Variants in NBAS observed in about 807,000 individuals in gnomAD.
The protein encoded by NBAS is NAG/BC035112 fusion.
NBAS carries 219 observed loss-of-function variants against 302.5 expected under a neutral mutation model. The ratio of observed to expected loss-of-function variants is 0.72; its 90% CI spans 0.65 to 0.81. The LOEUF (loss-of-function observed/expected upper bound fraction) is 0.81, where lower values mean the gene tolerates loss of function less well. NBAS is among the 30% of genes least tolerant of loss of function. The pLI is 0.00. For missense variants in NBAS, 2,932 were observed against 2,841.6 expected (o/e 1.03, Z -0.72); for synonymous variants, 1,118 against 1,021.6 (o/e 1.09, Z -1.80).
chr2:15,084,519 T>C, the NBAS span, among the ~76,000 whole-genome samples: 1 of 152,210 alleles, frequency 6.6e-6, no homozygotes, highest in Non-Finnish European at 1.5e-5. Flanking sequence ...TGGACTCTAT[T>C]TTCCTGCCTC....
intron 40 of NBAS, 34 bp downstream of exon 40, chr2:15,308,182 G>A (rs1671112832): frequency 6.2e-7 from 1 of 1,613,672 alleles, no homozygotes; most frequent in Non-Finnish European, 8.5e-7. Flanking sequence ...GCTTAACTCT[G>A]CTCAATAATA....
intron 6 of NBAS, among the ~76,000 whole-genome samples, chr2:15,549,489 G>A (rs115595282): frequency 0.022 from 3,409 of 152,222 alleles, 63 homozygotes; most frequent in Non-Finnish European, 0.037. Context: ...AGCACTTTGG[G>A]AGGCCAAGGC....
chr2:15,011,233 T>C, the NBAS span, among the ~76,000 whole-genome samples: 13 of 152,258 alleles, frequency 8.5e-5, no homozygotes, highest in Non-Finnish European at 1.3e-4. Context: ...TTGTGTTCTC[T>C]GAGCCTGTGG....
At chr2:15,429,089 T>C (rs977087638) in intron 21 of NBAS, among the ~76,000 whole-genome samples, 1 of 148,708 alleles carries the variant, frequency 6.7e-6, no homozygotes, top group African/African-American at 2.5e-5. Flanking sequence ...AAACACAGTA[T>C]GGTAATAGAG....
chr2:15,526,890 G>C (rs1464611841), intron 9 of NBAS, among the ~76,000 whole-genome samples: 4 of 152,078 alleles, frequency 2.6e-5, no homozygotes, highest in Non-Finnish European at 5.9e-5. Flanking sequence ...TGACTTAAAA[G>C]AAATTTATCC....
rs544123010 is a variant in NBAS at position 15,190,213 on chromosome 2, A to G, written c.6572+51T>C. The G allele has an allele frequency of 9.2e-5, 148 of 1,602,476 alleles. No individual in the cohort carries two copies. In the South Asian group the frequency reaches 1.4e-3, roughly 16 times the overall value. On this transcript the variant is annotated intron_variant, in intron 49 of 51. Transcript: ENST00000281513. ...TGGAAGGTGCTACATTTTTAGGGCT[A>G]AAGTCCAAACAAAAGAACTCTAATT...
At chr2:15,475,153 A>G (rs974517644) in intron 14 of NBAS, among the ~76,000 whole-genome samples, 3 of 152,250 alleles carry the variant, frequency 2.0e-5, no homozygotes, top group African/African-American at 7.2e-5. Flanking sequence ...TTTAGATTCC[A>G]TAACAAACTT....
chr2:15,128,430 T>C, the NBAS span, among the ~76,000 whole-genome samples: 1 of 152,208 alleles, frequency 6.6e-6, no homozygotes, highest in Non-Finnish European at 1.5e-5. Context: ...ATTGGGCCTC[T>C]TTCTTAAACA....
the NBAS span, among the ~76,000 whole-genome samples, chr2:14,907,007 G>A: frequency 6.6e-6 from 1 of 152,176 alleles, no homozygotes; most frequent in Non-Finnish European, 1.5e-5. Context: ...CCTCCTGAGA[G>A]GCAGGTGTCC....
chr2:14,813,439 C>T, the NBAS span, among the ~76,000 whole-genome samples: 172 of 152,246 alleles, frequency 1.1e-3, no homozygotes, highest in African/African-American at 4.0e-3. Context: ...AAATCATCCT[C>T]GTTATGTTTT....
chr2:15,494,314 G>C (rs1680983542), intron 11 of NBAS, among the ~76,000 whole-genome samples: 1 of 152,206 alleles, frequency 6.6e-6, no homozygotes, highest in Admixed American at 6.5e-5. Context: ...ATAAGTAACA[G>C]AGGCTTTCTC....
chr2:15,020,524 A>G, the NBAS span, among the ~76,000 whole-genome samples: 1 of 152,200 alleles, frequency 6.6e-6, no homozygotes, highest in African/African-American at 2.4e-5. Context: ...TCAAGATCCC[A>G]AAGGAAGAGC....
chr2:15,209,148 C>A (rs903970531), intron 48 of NBAS, among the ~76,000 whole-genome samples: 1 of 151,958 alleles, frequency 6.6e-6, no homozygotes, highest in Non-Finnish European at 1.5e-5. Context: ...CTCAAAGGAC[C>A]ATTAGTGGCT....
At chr2:14,915,462 C>T in the NBAS span, among the ~76,000 whole-genome samples, 2 of 152,190 alleles carry the variant, frequency 1.3e-5, no homozygotes, top group South Asian at 2.1e-4. Flanking sequence ...CCATAATTCT[C>T]GCTTGTTGTG....
chr2:15,431,732 CAAT>C (rs1295463600), intron 21 of NBAS, among the ~76,000 whole-genome samples: 1 of 152,054 alleles, frequency 6.6e-6, no homozygotes, highest in Non-Finnish European at 1.5e-5. Flanking sequence ...GTGAGAACAA[CAAT>C]GTTTTCCTAA....
the NBAS span, among the ~76,000 whole-genome samples, chr2:14,851,391 A>C: frequency 6.6e-5 from 10 of 152,032 alleles, no homozygotes; most frequent in African/African-American, 1.9e-4. Flanking sequence ...AAGAAGTTGA[A>C]TCTCTGAATA....
In NBAS at chr2:15,518,209, T is replaced by G. The variant is rs994835409; in HGVS notation, c.747-6859A>C. On this transcript the variant is annotated intron_variant, in intron 9 of 51. Coordinates refer to ENST00000281513, the MANE Select transcript of NBAS (RefSeq NM_015909.4). ...GTGTAGTGAAATACTCAAAAGGAAATTATCATATAATTTGCCTTGTGGTAT... is the reference window on the plus strand; with the variant it reads ...GTGTAGTGAAATACTCAAAAGGAAAGTATCATATAATTTGCCTTGTGGTAT... 2.0e-5 allele frequency among the ~76,000 whole-genome samples: 3 copies of G among 151,970 alleles called. No individual in the cohort carries two copies. The East Asian group carries it at 5.8e-4, about 29-fold the overall frequency.
At position 15,541,529 on chromosome 2, in the gene NBAS, C is replaced by T. The variant is rs527536652; in HGVS notation, c.380-2173G>A. On this transcript the variant is annotated intron_variant, in intron 6 of 51. Transcript: ENST00000281513. The stretch of plus-strand genomic sequence containing the variant: ...ATGGGGAAAGTACACCAGGCATCAA[C>T]GATTTTCTTCATTTTGATTATTTAT... Among the ~76,000 whole-genome samples the T allele has an allele frequency of 6.6e-5, 10 of 152,078 alleles. No homozygotes were observed. The South Asian group carries it at 1.5e-3, about 22-fold the overall frequency.
At chr2:14,989,293 A>ATGTGTGTGTATGTGTGTGTGTGTGTG in the NBAS span, among the ~76,000 whole-genome samples, 7 of 148,024 alleles carry the variant, frequency 4.7e-5, no homozygotes, top group African/African-American at 1.7e-4. Context: ...ATGTATGTGT[A>ATGTGTGTGTATGTGTGTGTGTGTGTG]TGTGTGTGTG....
Sources: allele counts gnomAD v4.1 joint callset (sites outside exome capture counted in the v4.1 genomes callset), GRCh38; gene constraint gnomAD v4.1.1; transcripts MANE v1.5; gene names NCBI Gene and HGNC (gene_info 2026-07-23, HGNC 2026-07-21).